Variants in PFKFB4 observed in about 807,000 individuals in gnomAD.
PFKFB4 encodes 6-phosphofructo-2-kinase/fructose-2,6-bisphosphatase 4.
A neutral mutation model predicts 62.8 loss-of-function variants in PFKFB4; 42 were observed. That is an observed-to-expected ratio of 0.67 (90% CI 0.52 to 0.86). The LOEUF is 0.86. Among genes scored for constraint, PFKFB4 ranks in the 40% least tolerant of loss-of-function variants. PFKFB4 has a pLI of 0.00. For missense variants in PFKFB4, 475 were observed against 627.2 expected (o/e 0.76, Z 2.59); for synonymous variants, 204 against 240.7 (o/e 0.85, Z 1.41).
At chr3:48,532,432 T>C (rs1361610955) in intron 9 of PFKFB4, among the ~76,000 whole-genome samples, 1 of 152,240 alleles carries the variant, frequency 6.6e-6, no homozygotes, top group Non-Finnish European at 1.5e-5. Context: ...GACATTTGTA[T>C]CCATGTTCAC....
intron 5 of PFKFB4, 182 bp from the exon 6 acceptor site, chr3:48,539,492 G>T: frequency 4.3e-6 from 3 of 702,424 alleles, no homozygotes; most frequent in Non-Finnish European, 7.5e-6. Context: ...TAAAGCAGGT[G>T]CTGCCCTCTC....
upstream of PFKFB4, among the ~76,000 whole-genome samples, chr3:48,557,618 C>T (rs1191996547): frequency 2.0e-5 from 3 of 152,108 alleles, no homozygotes; most frequent in African/African-American, 7.2e-5. Flanking sequence ...CTCACTGCAA[C>T]CTCCGCCTCC....
rs767505537 is a variant in PFKFB4 at position 48,556,764 on chromosome 3, C to T, written c.14G>A (p.Arg5Gln). Reference sequence around the variant, plus strand: ...CTTCAGGGGGTTCTGTGTCAATTCCCGTGGGGACGCCATCCCGGGGCCGGG... The same window carrying T: ...CTTCAGGGGGTTCTGTGTCAATTCCTGTGGGGACGCCATCCCGGGGCCGGG... MASP[R>Q]ELTQNPLKKI... The change falls in exon 1 of 14, where the codon CGG becomes CAG. Residue 5 changes from arginine (R) to glutamine (Q), a missense_variant. Physicochemically the swap from Arg to Gln is conservative, Grantham distance 43. Coordinates refer to ENST00000232375, the MANE Select transcript of PFKFB4 (RefSeq NM_004567.4). This position sits in a 1 kb window ranked among gnomAD's most constrained non-coding sequence, Gnocchi z 5.7. 3.7e-6 allele frequency: 6 copies of T among 1,601,604 alleles called. No homozygotes were observed. The highest frequency in any genetic ancestry group is 5.1e-6 in the Non-Finnish European group (6 of 1,174,290).
At chr3:48,538,353 G>T (rs2042690993) in intron 7 of PFKFB4, 145 bp downstream of exon 7, 3 of 1,013,018 alleles carry the variant, frequency 3.0e-6, no homozygotes, top group Non-Finnish European at 4.3e-6. Flanking sequence ...AAACATTTCT[G>T]CCCCAAGGAA....
intron 8 of PFKFB4, 34 bp downstream of exon 8, chr3:48,536,222 G>A: frequency 6.3e-7 from 1 of 1,584,896 alleles, no homozygotes; most frequent in Non-Finnish European, 8.6e-7. Context: ...ACAAATGCAG[G>A]CCCGTGTGCG....
At chr3:48,536,106 G>T in intron 8 of PFKFB4, 150 bp downstream of exon 8, 1 of 668,468 alleles carries the variant, frequency 1.5e-6, no homozygotes, top group East Asian at 2.7e-5. Flanking sequence ...CTACATGATG[G>T]GAAGATTCTA....
At chr3:48,544,843 C>T (rs1365597848) in intron 3 of PFKFB4, among the ~76,000 whole-genome samples, 1 of 151,848 alleles carries the variant, frequency 6.6e-6, no homozygotes, top group Admixed American at 6.6e-5. Flanking sequence ...TGTGCCTCAG[C>T]CACCCAAGTA....
At chr3:48,538,148 G>A (rs1189919702) in intron 7 of PFKFB4, among the ~76,000 whole-genome samples, 2 of 152,178 alleles carry the variant, frequency 1.3e-5, no homozygotes, top group Non-Finnish European at 2.9e-5. Flanking sequence ...GTGAGTGCCT[G>A]CAACAGAGAC....
chr3:48,540,900 G>A (rs572132415), intron 4 of PFKFB4, among the ~76,000 whole-genome samples: 1 of 149,918 alleles, frequency 6.7e-6, no homozygotes, highest in Non-Finnish European at 1.5e-5. Flanking sequence ...TCAGCCTCCT[G>A]AGTAGCTGGG....
upstream of PFKFB4, chr3:48,556,922 G>A: frequency 7.1e-7 from 1 of 1,414,076 alleles, no homozygotes; most frequent in South Asian, 1.5e-5. This position sits in a 1 kb window ranked among gnomAD's most constrained non-coding sequence, Gnocchi z 5.7. Context: ...CCGCCCCAGA[G>A]TGAGTAGGCT....
chr3:48,519,708 G>A lies in PFKFB4; in HGVS notation c.*39C>T. ...GGCCTGGAATGACCCCCTCTGCAGA[G>A]AGCAGTGCCTGCCTAGTGGTCACAG... On this transcript the variant is annotated 3_prime_UTR_variant, in exon 14 of 14. Transcript: ENST00000232375. The A allele has an allele frequency of 4.0e-6, 6 of 1,502,112 alleles. No individual in the cohort carries two copies. Among genetic ancestry groups the A allele is most frequent in the Non-Finnish European group, 4.6e-6 (5 of 1,079,064 alleles). 93.0% of individuals were successfully genotyped at this position (1,502,112 alleles called of 1,614,324 possible).
rs2041992859 is a variant in PFKFB4 at position 48,518,719 on chromosome 3, A to C, written c.*1028T>G. The C allele has an allele frequency of 6.6e-6, 1 of 152,276 alleles. No individual in the cohort carries two copies. The highest frequency in any genetic ancestry group is 2.4e-5 in the African/African-American group (1 of 41,464). The allele number at this position is 152,276 out of a possible 1,614,324, so 9.4% of individuals were successfully genotyped here. A position where few individuals can be genotyped will look rare whatever the true frequency, so the allele number is the denominator to read the frequency against. On this transcript the variant is annotated 3_prime_UTR_variant, in exon 14 of 14. Transcript: ENST00000232375. ...TTCCTCAGACCCACAGGCAGAAGTC[A>C]ACAAACACCAGAGAAGTTTTACAGG...
At chr3:48,532,684 T>G (rs1299579618) in intron 9 of PFKFB4, among the ~76,000 whole-genome samples, 1 of 152,086 alleles carries the variant, frequency 6.6e-6, no homozygotes, top group Non-Finnish European at 1.5e-5. Flanking sequence ...GCCTCCCTTC[T>G]CTACAAAAAA....
intron 9 of PFKFB4, 103 bp downstream of exon 9, chr3:48,535,404 TCTCTC>T: frequency 1.0e-6 from 1 of 998,372 alleles, no homozygotes; most frequent in Non-Finnish European, 1.5e-6. Flanking sequence ...GTATCCTTTC[TCTCTC>T]CTCTCCTTTG....
intron 3 of PFKFB4, among the ~76,000 whole-genome samples, chr3:48,545,496 C>G (rs1182535034): frequency 6.6e-6 from 1 of 152,112 alleles, no homozygotes; most frequent in East Asian, 1.9e-4. Context: ...TCAAAGGGCT[C>G]TCATCAGGAC....
upstream of PFKFB4, chr3:48,557,138 C>T (rs1055357793): frequency 6.6e-6 from 2 of 303,798 alleles, no homozygotes; most frequent in Non-Finnish European, 1.1e-5. Context: ...CCAACCTGCC[C>T]GCGCTGATTT....
intron 3 of PFKFB4, among the ~76,000 whole-genome samples, chr3:48,549,457 C>T (rs1178256300): frequency 1.3e-5 from 2 of 152,138 alleles, no homozygotes; most frequent in East Asian, 3.8e-4. Context: ...GCCATCCCCA[C>T]GGGGCGCTGG....
chr3:48,530,205 A>G (rs539575585), intron 9 of PFKFB4, among the ~76,000 whole-genome samples: 10 of 152,260 alleles, frequency 6.6e-5, no homozygotes, highest in African/African-American at 2.4e-4. Context: ...GTGAGCTGAG[A>G]TTGCACCACT....
At chr3:48,528,473 G>A (rs371890182) in intron 9 of PFKFB4, among the ~76,000 whole-genome samples, 1 of 152,240 alleles carries the variant, frequency 6.6e-6, no homozygotes, top group Non-Finnish European at 1.5e-5. Flanking sequence ...ACCAGCCTGG[G>A]CAACATGATG....
Sources: gnomAD v4.1 joint callset for allele counts (sites outside exome capture counted in the v4.1 genomes callset) on GRCh38, gnomAD v4.1.1 for gene constraint, Gnocchi (gnomAD v3.1) non-coding constraint, MANE v1.5 for transcripts, NCBI Gene and HGNC (gene_info 2026-07-23, HGNC 2026-07-21) for gene names.